PTPRT: variants seen among roughly 807,000 people sequenced by gnomAD.
PTPRT encodes receptor-type tyrosine-protein phosphatase T.
Under a neutral mutation model 176.8 loss-of-function variants are expected in PTPRT, and 56 were observed. The observed-to-expected ratio is 0.32, with a 90% confidence interval of 0.26 to 0.40. The LOEUF (loss-of-function observed/expected upper bound fraction) is 0.40. Ranked by LOEUF, PTPRT falls within the 10% of genes least tolerant of loss-of-function variation. The probability of loss-of-function intolerance (pLI) is 1.00; values close to 1 mark genes in which losing one functional copy is unlikely to be tolerated. For synonymous variants in PTPRT, 783 were observed against 739.0 expected (o/e 1.06, Z -0.96); for missense variants, 1,540 against 1,908.2 (o/e 0.81, Z 3.60).
intron 13 of PTPRT, among the ~76,000 whole-genome samples, chr20:42,271,487 T>C (rs1164208752): frequency 1.3e-5 from 2 of 152,216 alleles, no homozygotes; most frequent in Non-Finnish European, 2.9e-5. Flanking sequence ...ATGGATGCCT[T>C]CTCTTAAATC....
At chr20:42,059,643 C>A in the PTPRT span, among the ~76,000 whole-genome samples, 1 of 152,268 alleles carries the variant, frequency 6.6e-6, no homozygotes, top group Admixed American at 6.5e-5. Context: ...AGGGTCAGAT[C>A]TGAGCTTAGG....
Position 42,315,184 on chromosome 20 carries a change from C to CAAAAAAAAA in PTPRT, c.2139+530_2139+538dup, listed in dbSNP as rs71193656. 1.5e-3 allele frequency among the ~76,000 whole-genome samples: 94 copies of CAAAAAAAAA among 63,350 alleles called. 2 individuals carry two copies. Among genetic ancestry groups the CAAAAAAAAA allele is most frequent in the South Asian group, 7.2e-3 (11 of 1,534 alleles). The allele number at this position is 63,350 out of a possible 152,430, so 41.6% of individuals were successfully genotyped here. A position where few individuals can be genotyped will look rare whatever the true frequency, so the allele number is the denominator to read the frequency against. On this transcript the variant is annotated intron_variant, in intron 12 of 30. Transcript: ENST00000373187. ...TGGGCGACAGAGCGAGGCTCCGTCT[C>CAAAAAAAAA]AAAAAAAAAAAAAAAAAAAAAAAAA...
At chr20:42,842,406 C>T (rs1480224887) in intron 2 of PTPRT, among the ~76,000 whole-genome samples, 1 of 152,036 alleles carries the variant, frequency 6.6e-6, no homozygotes, top group Non-Finnish European at 1.5e-5. Context: ...ATGCCTTAGA[C>T]TGTTTATTTA....
Position 42,340,090 on chromosome 20 carries a change from G to A in PTPRT, c.1865+10538C>T, listed in dbSNP as rs149960250. Among the ~76,000 whole-genome samples the A allele has an allele frequency of 9.4e-3, 1,434 of 152,266 alleles. 24 individuals carry two copies. Among genetic ancestry groups the A allele is most frequent in the African/African-American group, 0.033 (1,352 of 41,530 alleles). Reference sequence around the variant, plus strand: ...AATTTTCTGTCATGATGGAAATGCCGTCCAGTATGTCAGCCACTAGCTACT... The same window carrying A: ...AATTTTCTGTCATGATGGAAATGCCATCCAGTATGTCAGCCACTAGCTACT... On this transcript the variant is annotated intron_variant, in intron 11 of 30. Transcript: ENST00000373187.
chr20:42,569,111 T>TATAA, intron 7 of PTPRT, among the ~76,000 whole-genome samples: 1 of 98,470 alleles, frequency 1.0e-5, no homozygotes, highest in Non-Finnish European at 2.0e-5. Context: ...TATATATATA[T>TATAA]AATTTCAACT....
At position 42,771,519 on chromosome 20, in the gene PTPRT, G is replaced by A. The variant is rs770740962; in HGVS notation, c.600C>T (p.Asn200=). The part of the protein sequence containing the change: ...RKAPHFLRLQ[N]VEVNVGQNAT... ...CATTCTGCCCCACATTCACCTCCAC[G>A]TTTTGGAGTCGCAGAAAATGAGGTG... Residue 200 remains asparagine, a synonymous_variant, in exon 5 of 31, where the codon AAC becomes AAT. Coordinates refer to ENST00000373187, the MANE Select transcript of PTPRT (RefSeq NM_007050.6). 15 of 1,613,986 alleles carry A rather than the reference G, an allele frequency of 9.3e-6. No homozygotes were observed. Among genetic ancestry groups the A allele is most frequent in the African/African-American group, 8.0e-5 (6 of 74,896 alleles).
rs1568905522 is a variant in PTPRT at position 42,080,866 on chromosome 20, C to T, written c.*13G>A. The T allele has an allele frequency of 1.2e-6, 2 of 1,605,436 alleles. No homozygotes were observed. Among genetic ancestry groups the T allele is most frequent in the Non-Finnish European group, 1.7e-6 (2 of 1,172,932 alleles). On this transcript the variant is annotated 3_prime_UTR_variant, in exon 31 of 31. Transcript: ENST00000373187. The stretch of plus-strand genomic sequence containing the variant: ...CAGCCTCTGGACTCCGGCAGGTTCC[C>T]CATCCCATTGAGCTAAAAGGAGCTT...
At chr20:43,181,407 C>A (rs1320668546) in intron 1 of PTPRT, among the ~76,000 whole-genome samples, 1 of 151,914 alleles carries the variant, frequency 6.6e-6, no homozygotes, top group Non-Finnish European at 1.5e-5. Context: ...AGTTGGTGCC[C>A]AAGAAAGAAA....
chr20:42,082,822 G>A (rs1166447544), intron 29 of PTPRT, among the ~76,000 whole-genome samples: 2 of 152,168 alleles, frequency 1.3e-5, no homozygotes, highest in Admixed American at 6.5e-5. Flanking sequence ...GTTGCCAAGA[G>A]CAACTAATGA....
chr20:42,863,929 G>A (rs2078702820), intron 2 of PTPRT, among the ~76,000 whole-genome samples: 2 of 152,200 alleles, frequency 1.3e-5, no homozygotes. Flanking sequence ...GAGATACCAG[G>A]GGTCCCTGTA....
intron 2 of PTPRT, among the ~76,000 whole-genome samples, chr20:42,803,967 G>A (rs1337801424): frequency 6.6e-6 from 1 of 152,208 alleles, no homozygotes; most frequent in Non-Finnish European, 1.5e-5. Context: ...TGGGAGTGCG[G>A]TCCTTATTGC....
At chr20:42,578,891 T>A (rs2073314430) in intron 7 of PTPRT, among the ~76,000 whole-genome samples, 1 of 128,140 alleles carries the variant, frequency 7.8e-6, no homozygotes, top group African/African-American at 3.2e-5. Context: ...GTCTTGCAAG[T>A]TTTTTTTTTT....
At chr20:42,312,796 G>A (rs1372213231) in intron 12 of PTPRT, among the ~76,000 whole-genome samples, 1 of 135,158 alleles carries the variant, frequency 7.4e-6, no homozygotes, top group Non-Finnish European at 1.5e-5. Context: ...GTTTCAGAGT[G>A]AGATCCTTTT....
At chr20:42,535,973 T>C (rs1317071507) in intron 7 of PTPRT, among the ~76,000 whole-genome samples, 1 of 152,136 alleles carries the variant, frequency 6.6e-6, no homozygotes, top group African/African-American at 2.4e-5. Context: ...AACTACCCTG[T>C]CTATTAATAG....
At chr20:43,111,922 G>A (rs370175029) in intron 1 of PTPRT, among the ~76,000 whole-genome samples, 13 of 152,244 alleles carry the variant, frequency 8.5e-5, no homozygotes, top group African/African-American at 2.6e-4. Context: ...AAGCCCATTC[G>A]GATGTCATGG....
At chr20:42,677,457 G>A (rs974874336) in intron 7 of PTPRT, among the ~76,000 whole-genome samples, 3 of 152,074 alleles carry the variant, frequency 2.0e-5, no homozygotes. Context: ...GAGAAACACG[G>A]CCAGGGCCCC....
At chr20:42,116,051 C>T (rs538761055) in intron 21 of PTPRT, 34 of 724,852 alleles carry the variant, frequency 4.7e-5, no homozygotes, top group Middle Eastern at 2.3e-4. Context: ...TTCCGGGGGA[C>T]GCCGCACGGC....
chr20:42,681,711 A>T (rs1418142712), intron 6 of PTPRT, among the ~76,000 whole-genome samples: 1 of 152,154 alleles, frequency 6.6e-6, no homozygotes, highest in East Asian at 1.9e-4. Flanking sequence ...TGACAAAGAG[A>T]AGTCAGGAGA....
chr20:42,774,846 T>C (rs2077111466), intron 4 of PTPRT, among the ~76,000 whole-genome samples: 1 of 152,200 alleles, frequency 6.6e-6, no homozygotes, highest in Non-Finnish European at 1.5e-5. Flanking sequence ...TGACAGGCAG[T>C]GCTCTCTGGT....
Sources: allele counts gnomAD v4.1 joint callset (sites outside exome capture counted in the v4.1 genomes callset), GRCh38; gene constraint gnomAD v4.1.1; transcripts MANE v1.5; gene names NCBI Gene and HGNC (gene_info 2026-07-23, HGNC 2026-07-21).